The following LARP1B variants were observed in gnomAD, a reference collection of about 807,000 sequenced individuals.
LARP1B encodes the protein la-related protein 1B.
LARP1B carries 76 observed loss-of-function variants against 114.2 expected under a neutral mutation model. The ratio of observed to expected loss-of-function variants is 0.67; its 90% CI spans 0.55 to 0.81. LARP1B has a LOEUF of 0.81. Ranked by LOEUF, LARP1B falls within the 30% of genes least tolerant of loss-of-function variation. LARP1B has a pLI of 0.00. For synonymous variants in LARP1B, 345 were observed against 348.0 expected, an observed-to-expected ratio of 0.99 and a Z score of 0.10; for missense variants, 1,014 against 1,075.8, an observed-to-expected ratio of 0.94 and a Z score of 0.80.
chr4:128,103,506 T>C (rs1324812555), intron 8 of LARP1B, among the ~76,000 whole-genome samples: 1 of 152,100 alleles, frequency 6.6e-6, no homozygotes, highest in African/African-American at 2.4e-5. Context: ...AGTTTGTTTA[T>C]GTAAGAGAAT....
chr4:128,209,521 TA>T (rs1758526544), intron 19 of LARP1B, among the ~76,000 whole-genome samples: 1 of 151,826 alleles, frequency 6.6e-6, no homozygotes, highest in Non-Finnish European at 1.5e-5. Flanking sequence ...ATATGTTGAG[TA>T]AAAGAATGAG....
intron 11 of LARP1B, among the ~76,000 whole-genome samples, chr4:128,150,364 C>T (rs766079729): frequency 2.7e-5 from 4 of 150,056 alleles, no homozygotes; most frequent in Admixed American, 6.7e-5. Flanking sequence ...GAGATCATAG[C>T]GTACTGCAGC....
At chr4:128,108,686 G>T in intron 9 of LARP1B, 1 of 979,256 alleles carries the variant, frequency 1.0e-6, no homozygotes, top group Non-Finnish European at 1.2e-6. Flanking sequence ...AAGATATAAT[G>T]GGTGATTATA....
chr4:128,189,097 GC>G (rs1751331095), intron 15 of LARP1B, among the ~76,000 whole-genome samples: 1 of 151,930 alleles, frequency 6.6e-6, no homozygotes, highest in Non-Finnish European at 1.5e-5. Context: ...GGGTGTTGAA[GC>G]CCCCTGCTAT....
At chr4:128,111,926 A>G (rs1170264415) in intron 9 of LARP1B, among the ~76,000 whole-genome samples, 2 of 150,586 alleles carry the variant, frequency 1.3e-5, no homozygotes, top group Non-Finnish European at 3.0e-5. Context: ...CTGACCTCAG[A>G]TGATCTGCCT....
chr4:128,211,291 T>C lies in LARP1B; in HGVS notation c.*1238T>C. On this transcript the variant is annotated 3_prime_UTR_variant, in exon 20 of 20. Transcript: ENST00000326639. ...AGCACTACATAATTTACAGATATTTTGTTGTATTGGCAAAAGCAAGTGGTT... is the reference window on the plus strand; with the variant it reads ...AGCACTACATAATTTACAGATATTTCGTTGTATTGGCAAAAGCAAGTGGTT... 1 of 966,888 alleles carries C rather than the reference T, an allele frequency of 1.0e-6. No individual in the cohort carries two copies. The highest frequency in any genetic ancestry group is 1.2e-6 in the Non-Finnish European group (1 of 813,008). The allele number at this position is 966,888 out of a possible 1,614,324, so 59.9% of individuals were successfully genotyped here. A position where few individuals can be genotyped will look rare whatever the true frequency, so the allele number is the denominator to read the frequency against.
At chr4:128,101,048 T>C (rs4576015) in intron 8 of LARP1B, among the ~76,000 whole-genome samples, 97,847 of 150,540 alleles carry the variant, frequency 0.65, 32,075 homozygotes, top group Middle Eastern at 0.82. Flanking sequence ...CGAACTTCTA[T>C]CTCAGGTGAT....
intron 15 of LARP1B, among the ~76,000 whole-genome samples, chr4:128,192,496 T>C (rs1290123335): frequency 3.3e-5 from 5 of 152,204 alleles, no homozygotes; most frequent in Admixed American, 1.3e-4. Flanking sequence ...AGAACACTTA[T>C]ATTAACCTAT....
At chr4:128,115,955 T>C (rs1038600877) in intron 10 of LARP1B, among the ~76,000 whole-genome samples, 1 of 152,256 alleles carries the variant, frequency 6.6e-6, no homozygotes, top group Non-Finnish European at 1.5e-5. Flanking sequence ...CTCTGCGGCC[T>C]GGCCAGAAAA....
intron 12 of LARP1B, among the ~76,000 whole-genome samples, chr4:128,169,993 A>G (rs1183148153): frequency 2.0e-5 from 3 of 152,124 alleles, no homozygotes; most frequent in African/African-American, 7.2e-5. Flanking sequence ...CAAATTTGAT[A>G]TGCTGTATTT....
chr4:128,123,733 T>C, intron 11 of LARP1B: 1 of 973,588 alleles, frequency 1.0e-6, no homozygotes, highest in South Asian at 4.8e-5. Flanking sequence ...CCATTGTGTA[T>C]AATATTTGTT....
rs754635061 is a variant in LARP1B at position 128,207,236 on chromosome 4, ATAT to A, written c.2420-15_2420-13del. 21 of 1,186,118 alleles carry A rather than the reference ATAT, an allele frequency of 1.8e-5. No homozygotes were observed. The highest frequency in any genetic ancestry group is 2.3e-5 in the Non-Finnish European group (20 of 877,392). 73.5% of individuals were successfully genotyped at this position (1,186,118 alleles called of 1,614,324 possible). Reference sequence around the variant, plus strand: ...TAAAATTTCATATAATTCATAATGTATATTATTCTTTGTTATTAGGTCAGCTGT... The same window carrying A: ...TAAAATTTCATATAATTCATAATGTATATTCTTTGTTATTAGGTCAGCTGT... On this transcript the variant is annotated splice_polypyrimidine_tract_variant and intron_variant, in intron 18 of 19. Coordinates refer to ENST00000326639, the MANE Select transcript of LARP1B (RefSeq NM_018078.4).
intron 15 of LARP1B, among the ~76,000 whole-genome samples, chr4:128,182,643 G>A (rs902419373): frequency 1.9e-4 from 29 of 152,024 alleles, no homozygotes; most frequent in African/African-American, 7.0e-4. Context: ...ACCCTACAGT[G>A]GCCCCTAATT....
At chr4:128,155,383 C>T (rs1243319037) in intron 11 of LARP1B, 2 of 594,292 alleles carry the variant, frequency 3.4e-6, no homozygotes, top group Non-Finnish European at 3.0e-6. Flanking sequence ...GCCGCCAGCC[C>T]GGGGCATGTT....
At chr4:128,118,492 T>C (rs534939591) in intron 10 of LARP1B, among the ~76,000 whole-genome samples, 196 of 152,118 alleles carry the variant, frequency 1.3e-3, no homozygotes, top group Non-Finnish European at 1.9e-3. Context: ...CGCCTCAGCC[T>C]CCCAAAGTGC....
At position 128,110,650 on chromosome 4, in the gene LARP1B, C is replaced by T. The variant is rs558772494; in HGVS notation, c.988+3337C>T. Among the ~76,000 whole-genome samples the T allele has an allele frequency of 1.9e-3, 143 of 73,582 alleles. 2 individuals are homozygous for T. The highest frequency in any genetic ancestry group is 6.7e-3 in the African/African-American group (127 of 19,008). The allele number at this position is 73,582 out of a possible 152,430, so 48.3% of individuals were successfully genotyped here. On this transcript the variant is annotated intron_variant, in intron 9 of 19. Coordinates refer to ENST00000326639, the MANE Select transcript of LARP1B (RefSeq NM_018078.4). ...CGAGATCCCGCCACTGCACTCCAGC[C>T]TGGGCGACAGAGCGAGACTCCGTCT...
intron 1 of LARP1B, among the ~76,000 whole-genome samples, chr4:128,063,574 G>A (rs1761242299): frequency 6.6e-6 from 1 of 151,714 alleles, no homozygotes; most frequent in African/African-American, 2.4e-5. Context: ...GAGGTCAGGA[G>A]TTCAAGACCA....
chr4:128,096,702 G>A (rs1288548434), intron 7 of LARP1B, among the ~76,000 whole-genome samples: 3 of 151,108 alleles, frequency 2.0e-5, no homozygotes, highest in Non-Finnish European at 4.4e-5. Flanking sequence ...CCAGGTTCAC[G>A]CCATTCTCCT....
chr4:128,140,223 C>T (rs1727403094), intron 11 of LARP1B, among the ~76,000 whole-genome samples: 1 of 151,954 alleles, frequency 6.6e-6, no homozygotes, highest in South Asian at 2.1e-4. Context: ...ATGTGTTCAC[C>T]AGGAGCAGTA....
Sources: gnomAD v4.1 joint callset for allele counts (sites outside exome capture counted in the v4.1 genomes callset) on GRCh38, gnomAD v4.1.1 for gene constraint, MANE v1.5 for transcripts, NCBI Gene and HGNC (gene_info 2026-07-23, HGNC 2026-07-21) for gene names.